Variants in POLR3E observed in about 807,000 individuals in gnomAD.
POLR3E encodes the protein RNA polymerase III subunit E, also known as DNA-directed RNA polymerase III subunit RPC5.
A neutral mutation model predicts 96.6 loss-of-function variants in POLR3E; 41 were observed. That is an observed-to-expected ratio of 0.42 (90% confidence interval 0.33 to 0.55). The LOEUF (loss-of-function observed/expected upper bound fraction) is 0.55, where lower values mean the gene tolerates loss of function less well. POLR3E is among the 20% of genes least tolerant of loss of function. The probability of loss-of-function intolerance (pLI) is 0.06; values close to 1 mark genes in which losing one functional copy is unlikely to be tolerated. For synonymous variants in POLR3E, 396 were observed against 383.6 expected, an observed-to-expected ratio of 1.03 and a Z score of -0.38; for missense variants, 849 against 952.1, an observed-to-expected ratio of 0.89 and a Z score of 1.43.
At chr16:22,301,600 T>G (rs921581708) in intron 1 of POLR3E, among the ~76,000 whole-genome samples, 4 of 149,998 alleles carry the variant, frequency 2.7e-5, no homozygotes, top group South Asian at 2.1e-4. Context: ...AAATATTAGA[T>G]AGTTCAAATG....
In POLR3E at chr16:22,316,696, G is replaced by A. The variant is rs779176154; in HGVS notation, c.728+10G>A. 11 of 1,610,152 alleles carry A rather than the reference G, an allele frequency of 6.8e-6. No homozygotes were observed. The highest frequency in any genetic ancestry group is 9.4e-6 in the Non-Finnish European group (11 of 1,176,450). ...TCGTCAAGTCACCCAGGTGGGATGG[G>A]CTGGGCCAGCATGCAAACTGGATGC... On this transcript the variant is annotated intron_variant, in intron 10 of 20. Coordinates refer to ENST00000299853, the MANE Select transcript of POLR3E (RefSeq NM_018119.4).
At position 22,326,434 on chromosome 16, in the gene POLR3E, T is replaced by G. The variant is rs150483048; in HGVS notation, c.1866+156T>G. 1,097 of 676,772 alleles carry G rather than the reference T, an allele frequency of 1.6e-3. 14 individuals are homozygous for G. In the East Asian group the frequency reaches 0.027, roughly 16 times the overall value. The allele number at this position is 676,772 out of a possible 1,614,324, so 41.9% of individuals were successfully genotyped here. Reference sequence around the variant, plus strand: ...ATGGGCAAGTCAGCCTCTCTGAGGCTCTATTCTCATGAAATGGGATCATGT... The same window carrying G: ...ATGGGCAAGTCAGCCTCTCTGAGGCGCTATTCTCATGAAATGGGATCATGT... On this transcript the variant is annotated intron_variant, in intron 18 of 20. Coordinates refer to ENST00000299853, the MANE Select transcript of POLR3E (RefSeq NM_018119.4).
chr16:22,324,730 A>G (rs2048543117), intron 16 of POLR3E, 70 bp downstream of exon 16: 2 of 1,529,148 alleles, frequency 1.3e-6, no homozygotes, highest in Admixed American at 3.3e-5. Context: ...GAGCACTGTC[A>G]GGGTGGATCC....
At position 22,334,274 on chromosome 16, in the gene POLR3E, A is replaced by G. The variant is rs1331900867; in HGVS notation, c.*574A>G. The G allele has an allele frequency of 6.6e-6, 1 of 152,296 alleles. No individual in the cohort carries two copies. The highest frequency in any genetic ancestry group is 1.5e-5 in the Non-Finnish European group (1 of 68,086). The allele number at this position is 152,296 out of a possible 1,614,324, so 9.4% of individuals were successfully genotyped here. ...TTATGTAGCAGTCTCAACTGTTTAC[A>G]TGAACCATAGCAAAAAAATCAGAAT... is the stretch of plus-strand genomic sequence containing the variant. On this transcript the variant is annotated 3_prime_UTR_variant, in exon 21 of 21. Transcript: ENST00000299853.
chr16:22,305,133 A>C (rs776572234), intron 2 of POLR3E, 23 bp from the exon 3 acceptor site: 1 of 1,606,632 alleles, frequency 6.2e-7, no homozygotes, highest in Admixed American at 1.7e-5. Context: ...TCTCCCGGTT[A>C]AGTCGTCTTC....
Position 22,313,991 on chromosome 16 carries a change from C to T in POLR3E, c.473-88C>T, listed in dbSNP as rs574390084. Reference sequence around the variant, plus strand: ...TCTGCGAGGAGAACTCCCAGCACCCCGGCCTGAGGCTTCCCTGGCGGGTGG... The same window carrying T: ...TCTGCGAGGAGAACTCCCAGCACCCTGGCCTGAGGCTTCCCTGGCGGGTGG... On this transcript the variant is annotated intron_variant, in intron 7 of 20. Coordinates refer to ENST00000299853, the MANE Select transcript of POLR3E (RefSeq NM_018119.4). The surrounding 1 kb of genome is among the most constrained non-coding windows in gnomAD (Gnocchi z 4.1). 2.1e-4 allele frequency: 248 copies of T among 1,198,174 alleles called. 6 individuals are homozygous for T. The South Asian group carries it at 2.5e-3, about 12-fold the overall frequency. 74.2% of individuals were successfully genotyped at this position (1,198,174 alleles called of 1,614,324 possible). A position where few individuals can be genotyped will look rare whatever the true frequency, so the allele number is the denominator to read the frequency against.
intron 10 of POLR3E, 148 bp downstream of exon 10, chr16:22,316,834 C>A: frequency 1.0e-6 from 1 of 955,854 alleles, no homozygotes; most frequent in Non-Finnish European, 1.7e-6. Context: ...GAGGGTGGGC[C>A]TGGAAAGAGA....
chr16:22,325,870 G>A lies in POLR3E; in HGVS notation c.1458G>A (p.Leu486=), dbSNP rs1430839481. The A allele has an allele frequency of 2.5e-6, 4 of 1,611,042 alleles. No individual in the cohort carries two copies. The African/African-American group carries it at 4.0e-5, about 16-fold the overall frequency. ...AGCTGCAGCGGCGGAAGGAGCAGCT[G>A]CGGGTGCCTGCGGTCCCGCCCGGTG... ...ERELQRRKEQ[L]RVPAVPPGVR... The change falls in exon 18 of 21, where the codon CTG becomes CTA. Residue 486 remains leucine (L), a synonymous_variant. Transcript: ENST00000299853.
At chr16:22,319,110 G>A (rs142553863) in intron 13 of POLR3E, among the ~76,000 whole-genome samples, 164 bp downstream of exon 13, 8,851 of 152,050 alleles carry the variant, frequency 0.058, 476 homozygotes, top group East Asian at 0.25. Context: ...GAGTAGCTGG[G>A]ATTATAGGTG....
intron 10 of POLR3E, 99 bp downstream of exon 10, chr16:22,316,785 G>C: frequency 1.9e-6 from 2 of 1,056,646 alleles, no homozygotes; most frequent in South Asian, 2.6e-5. Context: ...CCCTCCTGTA[G>C]CATGAGGGTG....
At position 22,305,151 on chromosome 16, in the gene POLR3E, C is replaced by T; in HGVS notation, c.37-5C>T. 1 of 1,612,534 alleles carries T rather than the reference C, an allele frequency of 6.2e-7. No homozygotes were observed. The highest frequency in any genetic ancestry group is 8.5e-7 in the Non-Finnish European group (1 of 1,178,528). On this transcript the variant is annotated splice_polypyrimidine_tract_variant and splice_region_variant and intron_variant, in intron 2 of 20. Coordinates refer to ENST00000299853, the MANE Select transcript of POLR3E (RefSeq NM_018119.4). ...CCCGGTTAAGTCGTCTTCCCTTCTT[C>T]CCAGATCGATGTGTACTTGGCCAAG...
chr16:22,322,804 G>A lies in POLR3E; in HGVS notation c.987-46G>A. The A allele has an allele frequency of 7.4e-7, 1 of 1,357,716 alleles. No individual in the cohort carries two copies. Among genetic ancestry groups the A allele is most frequent in the Non-Finnish European group, 1.1e-6 (1 of 950,708 alleles). 84.1% of individuals were successfully genotyped at this position (1,357,716 alleles called of 1,614,324 possible). A position where few individuals can be genotyped will look rare whatever the true frequency, so the allele number is the denominator to read the frequency against. On this transcript the variant is annotated intron_variant, in intron 13 of 20. Transcript: ENST00000299853. The surrounding 1 kb of genome is among the most constrained non-coding windows in gnomAD (Gnocchi z 5.2). ...TGGCCGGGAGGGGTAGCGGTAGAGGGGGCTCAGGGCAGGGACTGACCTGCC... is the reference window on the plus strand; with the variant it reads ...TGGCCGGGAGGGGTAGCGGTAGAGGAGGCTCAGGGCAGGGACTGACCTGCC...
rs748675176 is a variant in POLR3E at position 22,309,543 on chromosome 16, A to G, written c.364+33A>G. On this transcript the variant is annotated intron_variant, in intron 6 of 20. Transcript: ENST00000299853. ...GGGCTGGGTGTCCCGCGGTGGGGAC[A>G]TGGCATTGGGGGGGGCTGGGCAGGG... is the stretch of plus-strand genomic sequence containing the variant. 1.8e-6 allele frequency: 2 copies of G among 1,105,802 alleles called. 1 individual carries two copies. The highest frequency in any genetic ancestry group is 2.7e-6 in the Non-Finnish European group (2 of 731,502). 68.5% of individuals were successfully genotyped at this position (1,105,802 alleles called of 1,614,324 possible). A position where few individuals can be genotyped will look rare whatever the true frequency, so the allele number is the denominator to read the frequency against.
chr16:22,313,987 A>G lies in POLR3E; in HGVS notation c.473-92A>G. 8.7e-7 allele frequency: 1 copy of G among 1,145,434 alleles called. No individual in the cohort carries two copies. The highest frequency in any genetic ancestry group is 1.3e-6 in the Non-Finnish European group (1 of 758,002). The allele number at this position is 1,145,434 out of a possible 1,614,324, so 71.0% of individuals were successfully genotyped here. A position where few individuals can be genotyped will look rare whatever the true frequency, so the allele number is the denominator to read the frequency against. ...TCCCTCTGCGAGGAGAACTCCCAGC[A>G]CCCCGGCCTGAGGCTTCCCTGGCGG... On this transcript the variant is annotated intron_variant, in intron 7 of 20. Transcript: ENST00000299853. This position sits in a 1 kb window ranked among gnomAD's most constrained non-coding sequence, Gnocchi z 4.1.
intron 6 of POLR3E, among the ~76,000 whole-genome samples, chr16:22,312,075 A>G (rs756395701): frequency 1.3e-4 from 20 of 152,182 alleles, no homozygotes; most frequent in Non-Finnish European, 2.4e-4. Context: ...AGAGGCAGAA[A>G]GTAGATTAGT....
intron 14 of POLR3E, among the ~76,000 whole-genome samples, chr16:22,324,091 C>CT (rs367659369): frequency 3.3e-5 from 5 of 152,042 alleles, no homozygotes; most frequent in African/African-American, 1.2e-4. Flanking sequence ...AGGGCATCCC[C>CT]AGGGAGCGCT....
intron 19 of POLR3E, 146 bp downstream of exon 19, chr16:22,328,733 C>T: frequency 1.5e-6 from 1 of 677,226 alleles, no homozygotes; most frequent in Non-Finnish European, 2.7e-6. Flanking sequence ...TGCTCCAACT[C>T]TGTACGCTAA....
At chr16:22,299,071 A>T in intron 1 of POLR3E, 1 of 456,130 alleles carries the variant, frequency 2.2e-6, no homozygotes, top group Non-Finnish European at 4.4e-6. Flanking sequence ...CACCAAGGAA[A>T]GAAAACAGAG....
chr16:22,330,841 C>T (rs1214759901), intron 19 of POLR3E, among the ~76,000 whole-genome samples: 1 of 152,116 alleles, frequency 6.6e-6, no homozygotes, highest in Non-Finnish European at 1.5e-5. Context: ...TCAAATCCAT[C>T]TCCTCTTAAT....
Sources: gnomAD v4.1 joint callset for allele counts (sites outside exome capture counted in the v4.1 genomes callset) on GRCh38, gnomAD v4.1.1 for gene constraint, Gnocchi (gnomAD v3.1) non-coding constraint, MANE v1.5 for transcripts, NCBI Gene and HGNC (gene_info 2026-07-23, HGNC 2026-07-21) for gene names.